Variants in PDE4D observed in about 807,000 individuals in gnomAD.
PDE4D encodes phosphodiesterase 4D, also known as 3',5'-cyclic-AMP phosphodiesterase 4D.
A neutral mutation model predicts 87.4 loss-of-function variants in PDE4D; 24 were observed. The ratio of observed to expected loss-of-function variants is 0.27; its 90% CI spans 0.20 to 0.39. The LOEUF (loss-of-function observed/expected upper bound fraction) is 0.39, where lower values mean the gene tolerates loss of function less well. PDE4D is among the 10% of genes least tolerant of loss of function. The pLI, the probability that PDE4D is intolerant of heterozygous loss-of-function variation, is 1.00. For missense variants in PDE4D, 714 were observed against 1,041.0 expected (o/e 0.69, Z 4.32); for synonymous variants, 384 against 383.2 (o/e 1.00, Z -0.02).
chr5:60,332,659 T>C (rs1289426742), intron 1 of PDE4D, among the ~76,000 whole-genome samples: 2 of 152,214 alleles, frequency 1.3e-5, no homozygotes, highest in Non-Finnish European at 2.9e-5. Flanking sequence ...CACAACCACA[T>C]AATTGACCAA....
chr5:60,456,976 C>T (rs959129425), intron 1 of PDE4D, among the ~76,000 whole-genome samples: 2 of 152,156 alleles, frequency 1.3e-5, no homozygotes, highest in Non-Finnish European at 1.5e-5. Context: ...TTACCATATA[C>T]TAGTGAGCTA....
Position 58,971,668 on chromosome 5 carries a change from A to G in PDE4D, c.*2996T>C, listed in dbSNP as rs1314715824. The G allele has an allele frequency of 6.6e-6, 1 of 152,604 alleles. No homozygotes were observed. The highest frequency in any genetic ancestry group is 1.5e-5 in the Non-Finnish European group (1 of 68,018). The allele number at this position is 152,604 out of a possible 1,614,324, so 9.5% of individuals were successfully genotyped here. The stretch of plus-strand genomic sequence containing the variant: ...ATTATTGTGAATTTTAACTGATATA[A>G]AACAAAATTAAAACAGCATTATTGT... On this transcript the variant is annotated 3_prime_UTR_variant, in exon 15 of 15. Coordinates refer to ENST00000340635, the MANE Select transcript of PDE4D (RefSeq NM_001104631.2).
At chr5:59,319,698 T>C (rs1160638004) in intron 1 of PDE4D, among the ~76,000 whole-genome samples, 1 of 152,176 alleles carries the variant, frequency 6.6e-6, no homozygotes, top group African/African-American at 2.4e-5. Context: ...TATAGTTATG[T>C]CTTTTGGATT....
At chr5:60,083,441 C>T (rs1295504546) in intron 2 of PDE4D, among the ~76,000 whole-genome samples, 2 of 152,150 alleles carry the variant, frequency 1.3e-5, no homozygotes, top group Non-Finnish European at 2.9e-5. Flanking sequence ...AAGCCACTCA[C>T]GATTTTAATA....
At chr5:59,916,369 A>G (rs1279483619) in intron 3 of PDE4D, among the ~76,000 whole-genome samples, 1 of 152,240 alleles carries the variant, frequency 6.6e-6, no homozygotes, top group Non-Finnish European at 1.5e-5. Context: ...TTTAACCAGT[A>G]GCTTTATTAA....
chr5:60,311,459 G>C (rs1051807429), intron 1 of PDE4D, among the ~76,000 whole-genome samples: 3 of 152,152 alleles, frequency 2.0e-5, no homozygotes, highest in Admixed American at 2.0e-4. Flanking sequence ...TTCATATCTG[G>C]CTAAATTAAG....
chr5:59,769,559 G>A (rs1763235486), intron 1 of PDE4D, among the ~76,000 whole-genome samples: 2 of 152,182 alleles, frequency 1.3e-5, no homozygotes, highest in South Asian at 4.1e-4. Flanking sequence ...AACTTATTCA[G>A]AGAGCTTAAA....
chr5:59,987,276 A>G (rs1290463617), intron 3 of PDE4D: 5 of 152,238 alleles, frequency 3.3e-5, no homozygotes, highest in Admixed American at 6.5e-5. Flanking sequence ...TCAAGCTGTC[A>G]TATAAAATTC....
chr5:59,542,650 C>A (rs1368859709), intron 1 of PDE4D, among the ~76,000 whole-genome samples: 1 of 152,140 alleles, frequency 6.6e-6, no homozygotes, highest in Non-Finnish European at 1.5e-5. Context: ...AATTCCAGAA[C>A]AAATCTCTCT....
At position 60,412,750 on chromosome 5, in the gene PDE4D, T is replaced by A. The variant is rs574736482; in HGVS notation, c.-90+75192A>T. 3.3e-5 allele frequency among the ~76,000 whole-genome samples: 5 copies of A among 152,334 alleles called. No individual in the cohort carries two copies. The South Asian group carries it at 1.0e-3, about 32-fold the overall frequency. ...GTTAAGTTTTTCTGTTAATTTTATG[T>A]CAATTATTTTGGTTATTTAAAAATA... On this transcript the variant is annotated intron_variant, in intron 1 of 16. Coordinates refer to the PDE4D transcript ENST00000502484.
intron 1 of PDE4D, among the ~76,000 whole-genome samples, chr5:60,201,779 C>A (rs1359260299): frequency 6.6e-6 from 1 of 152,070 alleles, no homozygotes; most frequent in Non-Finnish European, 1.5e-5. Context: ...GGAGTAATTT[C>A]TGTAATAATT....
At chr5:59,126,096 A>T (rs1242994340) in intron 5 of PDE4D, among the ~76,000 whole-genome samples, 1 of 9,446 alleles carries the variant, frequency 1.1e-4, no homozygotes, top group East Asian at 6.2e-4. Context: ...GTACAATTGT[A>T]AAAAAAAAAA....
intron 1 of PDE4D, among the ~76,000 whole-genome samples, chr5:59,842,584 A>T (rs1743178589): frequency 6.6e-6 from 1 of 152,068 alleles, no homozygotes; most frequent in African/African-American, 2.4e-5. Flanking sequence ...TTATGTAAAG[A>T]TAGTTGAATA....
intron 3 of PDE4D, among the ~76,000 whole-genome samples, chr5:59,935,825 A>T (rs933938383): frequency 2.0e-5 from 3 of 152,152 alleles, no homozygotes; most frequent in African/African-American, 7.2e-5. Flanking sequence ...CATGGTGTAT[A>T]TGTGCCACAT....
At chr5:60,197,557 G>A (rs1302033125) in intron 1 of PDE4D, among the ~76,000 whole-genome samples, 1 of 151,602 alleles carries the variant, frequency 6.6e-6, no homozygotes, top group East Asian at 1.9e-4. Context: ...AGAGCATCAT[G>A]CAGATCTTAC....
At chr5:59,714,892 C>T (rs1754768805) in intron 1 of PDE4D, among the ~76,000 whole-genome samples, 1 of 152,226 alleles carries the variant, frequency 6.6e-6, no homozygotes, top group Admixed American at 6.5e-5. Context: ...TCAGCAGGCA[C>T]AAGCCCTATG....
chr5:60,266,409 A>G (rs1750218244), intron 1 of PDE4D, among the ~76,000 whole-genome samples: 1 of 152,192 alleles, frequency 6.6e-6, no homozygotes, highest in South Asian at 2.1e-4. Flanking sequence ...AAATTTTTGT[A>G]GAGAAAGAAA....
chr5:60,076,228 G>A (rs539131078), intron 2 of PDE4D, among the ~76,000 whole-genome samples: 2 of 151,608 alleles, frequency 1.3e-5, no homozygotes, highest in South Asian at 2.1e-4. Flanking sequence ...GTGCAGTCTC[G>A]GCTCACTGCA....
chr5:60,475,682 G>T, intron 1 of PDE4D, among the ~76,000 whole-genome samples: 1 of 151,990 alleles, frequency 6.6e-6, no homozygotes, highest in East Asian at 1.9e-4. Flanking sequence ...ATGTTCTAAG[G>T]AGACAGTAGT....
Sources: gnomAD v4.1 joint callset for allele counts (sites outside exome capture counted in the v4.1 genomes callset) on GRCh38, gnomAD v4.1.1 for gene constraint, MANE v1.5 for transcripts, NCBI Gene and HGNC (gene_info 2026-07-23, HGNC 2026-07-21) for gene names.